Variants in TRDN observed in about 807,000 individuals in gnomAD.
TRDN encodes triadin in skeletal muscle.
TRDN carries 161 observed loss-of-function variants against 149.7 expected under a neutral mutation model. The ratio of observed to expected loss-of-function variants is 1.08; its 90% CI spans 0.95 to 1.23. The LOEUF (loss-of-function observed/expected upper bound fraction) is 1.23. Ranked by LOEUF, TRDN falls within the 50% of genes most tolerant of loss-of-function variation. TRDN has a pLI of 0.00. For synonymous variants in TRDN, 294 were observed against 250.5 expected (o/e 1.17, Z -1.64); for missense variants, 896 against 823.5 (o/e 1.09, Z -1.08).
chr6:123,236,715 T>C (rs1775801392), intron 38 of TRDN, among the ~76,000 whole-genome samples: 1 of 152,192 alleles, frequency 6.6e-6, no homozygotes, highest in Non-Finnish European at 1.5e-5. Context: ...TCCACTAAAT[T>C]GCTTCGGAAC....
At position 123,584,645 on chromosome 6, in the gene TRDN, G is replaced by T. The variant is rs547817496; in HGVS notation, c.23-13513C>A. Among the ~76,000 whole-genome samples the T allele has an allele frequency of 5.3e-5, 8 of 152,216 alleles. 1 individual carries two copies. In the South Asian group the frequency reaches 8.3e-4, roughly 16 times the overall value. ...TTTGGGCTTGACTGAAGTAATGGGG[G>T]CTGTCTGTGAAGCCTTGCGGCAGTA... is the stretch of plus-strand genomic sequence containing the variant. On this transcript the variant is annotated intron_variant, in intron 1 of 40. Transcript: ENST00000334268.
chr6:123,480,214 T>A, intron 9 of TRDN, among the ~76,000 whole-genome samples: 1 of 145,302 alleles, frequency 6.9e-6, no homozygotes. Flanking sequence ...TCATTAAAAA[T>A]GACTGACTTT....
At chr6:123,498,324 G>T in intron 8 of TRDN, 4 of 272,962 alleles carry the variant, frequency 1.5e-5, no homozygotes, top group Non-Finnish European at 3.0e-5. Context: ...TGTAAATCTC[G>T]TTCTTTTTAG....
chr6:123,537,983 G>T (rs1022056217), intron 4 of TRDN, among the ~76,000 whole-genome samples: 6 of 152,110 alleles, frequency 3.9e-5, no homozygotes, highest in African/African-American at 1.4e-4. Flanking sequence ...TATTAATATG[G>T]CAAACTGTTA....
At chr6:123,501,871 G>A (rs1221956001) in intron 8 of TRDN, 1 of 954,182 alleles carries the variant, frequency 1.0e-6, no homozygotes, top group East Asian at 1.2e-4. Flanking sequence ...ATTACTGATA[G>A]AAATGAAATA....
At chr6:123,452,756 A>G (rs1775861111) in intron 10 of TRDN, among the ~76,000 whole-genome samples, 1 of 152,160 alleles carries the variant, frequency 6.6e-6, no homozygotes, top group Non-Finnish European at 1.5e-5. Context: ...AACAATTCTA[A>G]AATTCATATG....
At chr6:123,470,402 T>C (rs1445800395) in intron 9 of TRDN, 8 of 152,114 alleles carry the variant, frequency 5.3e-5, no homozygotes, top group African/African-American at 1.9e-4. Flanking sequence ...GTGGAGATAA[T>C]AGTACAAATG....
At chr6:123,379,534 C>T (rs1781634657) in intron 16 of TRDN, among the ~76,000 whole-genome samples, 1 of 152,114 alleles carries the variant, frequency 6.6e-6, no homozygotes, top group Non-Finnish European at 1.5e-5. Context: ...CAGTCACAAA[C>T]AGTGATAACA....
chr6:123,352,285 T>A (rs527811335), intron 21 of TRDN: 2 of 985,080 alleles, frequency 2.0e-6, no homozygotes, highest in African/African-American at 3.5e-5. Flanking sequence ...CTTCAGCATG[T>A]CCCCTGATGT....
chr6:123,423,655 T>G (rs749122681), intron 12 of TRDN, among the ~76,000 whole-genome samples: 44 of 152,118 alleles, frequency 2.9e-4, no homozygotes, highest in Non-Finnish European at 5.0e-4. Context: ...AATTAAATCA[T>G]GTAATGTAAT....
chr6:123,357,658 C>T (rs1030554), intron 20 of TRDN, among the ~76,000 whole-genome samples: 141,267 of 152,230 alleles, frequency 0.93, 65,600 homozygotes, highest in East Asian at 0.99. Context: ...TAGAGCCACA[C>T]AGGTAGGTAT....
intron 20 of TRDN, among the ~76,000 whole-genome samples, chr6:123,357,328 T>A (rs1780720539): frequency 6.6e-6 from 1 of 152,028 alleles, no homozygotes; most frequent in Non-Finnish European, 1.5e-5. Flanking sequence ...AAGAGATCAG[T>A]TTCAATGTTA....
chr6:123,385,411 G>A (rs1445709237), intron 14 of TRDN, among the ~76,000 whole-genome samples: 19 of 144,768 alleles, frequency 1.3e-4, no homozygotes, highest in Non-Finnish European at 2.2e-4. Flanking sequence ...GCGACAGAGC[G>A]AGACTCCATC....
Position 123,605,402 on chromosome 6 carries a change from G to A in TRDN, c.22+31352C>T, listed in dbSNP as rs553512388. On this transcript the variant is annotated intron_variant, in intron 1 of 40. Coordinates refer to ENST00000334268, the MANE Select transcript of TRDN (RefSeq NM_006073.4). ...AGAGAAATAAGCAGATATTTTAGAAGAAAGCCTGAAATAATTGACATAACA... is the reference window on the plus strand; with the variant it reads ...AGAGAAATAAGCAGATATTTTAGAAAAAAGCCTGAAATAATTGACATAACA... Among the ~76,000 whole-genome samples the A allele has an allele frequency of 2.0e-4, 31 of 151,680 alleles. No homozygotes were observed. The South Asian group carries it at 6.4e-3, about 32-fold the overall frequency.
At chr6:123,544,493 C>A (rs1204049092) in intron 4 of TRDN, among the ~76,000 whole-genome samples, 1 of 151,860 alleles carries the variant, frequency 6.6e-6, no homozygotes, top group East Asian at 1.9e-4. Flanking sequence ...AGTTTTATAC[C>A]CCTTAGAAAG....
chr6:123,545,896 CAAAAG>C (rs895101084), intron 4 of TRDN, among the ~76,000 whole-genome samples: 4 of 151,712 alleles, frequency 2.6e-5, no homozygotes, highest in Non-Finnish European at 5.9e-5. Context: ...AAATTTAAAT[CAAAAG>C]AAAAGATTTT....
At chr6:123,382,238 A>T in intron 14 of TRDN, 91 bp from the exon 15 acceptor site, 7 of 819,470 alleles carry the variant, frequency 8.5e-6, no homozygotes, top group Non-Finnish European at 1.3e-5. Flanking sequence ...CAATCAAATA[A>T]AATTGATTAT....
intron 10 of TRDN, among the ~76,000 whole-genome samples, chr6:123,441,603 CT>C (rs1345257781): frequency 6.6e-6 from 1 of 152,170 alleles, no homozygotes; most frequent in Non-Finnish European, 1.5e-5. Flanking sequence ...TTATTAGCTT[CT>C]GCATAAATTA....
Position 123,518,923 on chromosome 6 carries a change from C to A in TRDN, c.485-2717G>T, listed in dbSNP as rs539940738. Among the ~76,000 whole-genome samples the A allele has an allele frequency of 5.3e-5, 8 of 152,222 alleles. No individual in the cohort carries two copies. The South Asian group carries it at 1.5e-3, about 28-fold the overall frequency. ...TGAAATGACTTTCAACACAGCAATG[C>A]AACAATCAGCAACTGCCTTGGTAAT... On this transcript the variant is annotated intron_variant, in intron 5 of 40. Transcript: ENST00000334268.
Sources: allele counts gnomAD v4.1 joint callset (sites outside exome capture counted in the v4.1 genomes callset), GRCh38; gene constraint gnomAD v4.1.1; transcripts MANE v1.5; gene names NCBI Gene and HGNC (gene_info 2026-07-23, HGNC 2026-07-21).